FCHSD2: variants seen among roughly 807,000 people sequenced by gnomAD.
FCHSD2 encodes the protein FCH and double SH3 domains 2.
FCHSD2 carries 38 observed loss-of-function variants against 108.1 expected under a neutral mutation model. The observed-to-expected ratio is 0.35, with a 90% CI of 0.27 to 0.46. The LOEUF (loss-of-function observed/expected upper bound fraction) is 0.46, where lower values mean the gene tolerates loss of function less well. FCHSD2 is among the 20% of genes least tolerant of loss of function. The pLI is 1.00. For synonymous variants in FCHSD2, 279 were observed against 314.7 expected, an observed-to-expected ratio of 0.89 and a Z score of 1.20; for missense variants, 751 against 897.8, an observed-to-expected ratio of 0.84 and a Z score of 2.09.
chr11:73,097,126 C>A (rs1335614274), intron 2 of FCHSD2, among the ~76,000 whole-genome samples: 1 of 150,106 alleles, frequency 6.7e-6, no homozygotes, highest in African/African-American at 2.4e-5. Context: ...CCTCAGCCTC[C>A]CAAATAGCTA....
chr11:72,913,291 CAG>C (rs1425196466), intron 9 of FCHSD2, among the ~76,000 whole-genome samples: 4 of 152,042 alleles, frequency 2.6e-5, no homozygotes, highest in African/African-American at 7.3e-5. Context: ...TTTTTTGAGA[CAG>C]AGTCTCAGTC....
chr11:72,903,687 C>G (rs1192533687), intron 9 of FCHSD2, among the ~76,000 whole-genome samples: 3 of 152,114 alleles, frequency 2.0e-5, no homozygotes, highest in African/African-American at 7.2e-5. Flanking sequence ...ATCGCTTACC[C>G]CTTACTTGTC....
chr11:73,001,593 G>A (rs777827272), intron 4 of FCHSD2, among the ~76,000 whole-genome samples: 2 of 152,136 alleles, frequency 1.3e-5, no homozygotes, highest in African/African-American at 4.8e-5. Context: ...GATACAAGAC[G>A]AAGATTGGGT....
chr11:73,002,094 G>T (rs1006062809), intron 4 of FCHSD2, among the ~76,000 whole-genome samples: 2 of 152,016 alleles, frequency 1.3e-5, no homozygotes, highest in African/African-American at 4.8e-5. Flanking sequence ...AATCCATATC[G>T]ATTTTCAACC....
At chr11:72,850,790 C>T (rs1336046043) in intron 13 of FCHSD2, among the ~76,000 whole-genome samples, 1 of 151,616 alleles carries the variant, frequency 6.6e-6, no homozygotes, top group Non-Finnish European at 1.5e-5. Flanking sequence ...TGTTAGTGAA[C>T]ATTAAAAAGG....
intron 6 of FCHSD2, among the ~76,000 whole-genome samples, chr11:72,986,446 T>C (rs1591459392): frequency 1.3e-5 from 2 of 152,240 alleles, no homozygotes; most frequent in South Asian, 4.1e-4. Flanking sequence ...CCTGACCTTG[T>C]AATCCACCCG....
At chr11:73,011,678 A>G (rs906998275) in intron 4 of FCHSD2, among the ~76,000 whole-genome samples, 2 of 152,168 alleles carry the variant, frequency 1.3e-5, no homozygotes, top group African/African-American at 4.8e-5. Context: ...TCCCTATCTT[A>G]GTTTCAAGGC....
chr11:72,957,019 CTTTT>C lies in FCHSD2; in HGVS notation c.705+27065_705+27068del, dbSNP rs76815220. ...TCCAACAGAATCAAAGGACTCTAGT[CTTTT>C]TTTTTTTTTCTTCTTTTTTTTTATT... On this transcript the variant is annotated intron_variant, in intron 8 of 19. Transcript: ENST00000409418. Among the ~76,000 whole-genome samples, 820 of 145,898 alleles carry C rather than the reference CTTTT, an allele frequency of 5.6e-3. 4 individuals carry two copies. The highest frequency in any genetic ancestry group is 0.015 in the South Asian group (67 of 4,608).
Position 72,864,861 on chromosome 11 carries a change from A to C in FCHSD2, c.1308+3004T>G, listed in dbSNP as rs773887796. Among the ~76,000 whole-genome samples the C allele has an allele frequency of 2.6e-5, 4 of 152,308 alleles. No homozygotes were observed. In the South Asian group the frequency reaches 8.3e-4, roughly 32 times the overall value. The stretch of plus-strand genomic sequence containing the variant: ...CAGGCTGATGGGGTTGCTGGCAGCA[A>C]TCTAACAGGGGAAGCTGCATGCAGG... On this transcript the variant is annotated intron_variant, in intron 13 of 19. Transcript: ENST00000409418.
chr11:73,136,419 G>A (rs1260403045), intron 2 of FCHSD2, among the ~76,000 whole-genome samples: 4 of 151,794 alleles, frequency 2.6e-5, no homozygotes, highest in African/African-American at 7.3e-5. Context: ...AATTAGCCGC[G>A]CACCTGGAGT....
intron 12 of FCHSD2, among the ~76,000 whole-genome samples, chr11:72,869,161 C>G (rs1854795922): frequency 6.6e-6 from 1 of 152,110 alleles, no homozygotes; most frequent in African/African-American, 2.4e-5. Flanking sequence ...CCTGCTTCAG[C>G]CTCCCAAAGT....
At chr11:72,987,449 A>C (rs1857331139) in intron 6 of FCHSD2, among the ~76,000 whole-genome samples, 1 of 152,222 alleles carries the variant, frequency 6.6e-6, no homozygotes, top group Non-Finnish European at 1.5e-5. Context: ...TCTAGGCCTT[A>C]AATTCCTTGA....
At chr11:72,973,602 A>G (rs927432500) in intron 8 of FCHSD2, among the ~76,000 whole-genome samples, 10 of 152,250 alleles carry the variant, frequency 6.6e-5, no homozygotes, top group Non-Finnish European at 2.9e-5. Context: ...TCTGTTGAAC[A>G]TAAGGGAGAT....
chr11:72,848,044 T>G (rs961862142), intron 14 of FCHSD2, among the ~76,000 whole-genome samples: 3 of 152,160 alleles, frequency 2.0e-5, no homozygotes, highest in Non-Finnish European at 2.9e-5. Flanking sequence ...ATTCGAGGCC[T>G]CCTTTTTGGT....
At chr11:73,055,034 G>C (rs987010919) in intron 3 of FCHSD2, among the ~76,000 whole-genome samples, 1 of 152,166 alleles carries the variant, frequency 6.6e-6, no homozygotes, top group Admixed American at 6.5e-5. Context: ...CAAAATCATG[G>C]GGGAAGGCAA....
At chr11:72,905,784 C>A (rs1384434028) in intron 9 of FCHSD2, among the ~76,000 whole-genome samples, 1 of 152,200 alleles carries the variant, frequency 6.6e-6, no homozygotes, top group Admixed American at 6.5e-5. Flanking sequence ...CTTTTTATGG[C>A]TGCATAGTAT....
At chr11:72,897,342 A>AGTTGT (rs1855444166) in intron 10 of FCHSD2, among the ~76,000 whole-genome samples, 1 of 148,342 alleles carries the variant, frequency 6.7e-6, no homozygotes, top group African/African-American at 2.5e-5. Flanking sequence ...AAAAAAGGAT[A>AGTTGT]GTTGTGTCTG....
intron 2 of FCHSD2, among the ~76,000 whole-genome samples, chr11:73,109,467 T>C (rs999268117): frequency 6.6e-6 from 1 of 151,646 alleles, no homozygotes; most frequent in African/African-American, 2.4e-5. Flanking sequence ...GGCATTTTAT[T>C]TGTAGCTACT....
chr11:73,076,442 A>G (rs529990484), intron 3 of FCHSD2, among the ~76,000 whole-genome samples: 67 of 152,336 alleles, frequency 4.4e-4, no homozygotes, highest in African/African-American at 1.6e-3. Context: ...GACAGACAAG[A>G]AAGGAGACAT....
Sources: allele counts gnomAD v4.1 joint callset (sites outside exome capture counted in the v4.1 genomes callset), GRCh38; gene constraint gnomAD v4.1.1; transcripts MANE v1.5; gene names NCBI Gene and HGNC (gene_info 2026-07-23, HGNC 2026-07-21).